CNTN4: variants seen among roughly 807,000 people sequenced by gnomAD.
CNTN4 encodes the protein contactin-4.
A neutral mutation model predicts 122.5 loss-of-function variants in CNTN4; 77 were observed. The observed-to-expected ratio is 0.63, with a 90% CI of 0.52 to 0.76. CNTN4 has a LOEUF of 0.76. Among genes scored for constraint, CNTN4 ranks in the 30% least tolerant of loss-of-function variants. The probability of loss-of-function intolerance (pLI) is 0.00; values close to 1 mark genes in which losing one functional copy is unlikely to be tolerated. For missense variants in CNTN4, 1,256 were observed against 1,259.1 expected (o/e 1.00, Z 0.04); for synonymous variants, 512 against 447.0 (o/e 1.15, Z -1.83).
chr3:2,798,419 C>G (rs1302302124), intron 6 of CNTN4, among the ~76,000 whole-genome samples: 3 of 57,346 alleles, frequency 5.2e-5, no homozygotes, highest in Non-Finnish European at 1.4e-4. Flanking sequence ...CTCCCATTTT[C>G]TTTATCCAAT....
chr3:2,791,640 C>T (rs41521446), intron 6 of CNTN4, among the ~76,000 whole-genome samples: 5 of 152,028 alleles, frequency 3.3e-5, no homozygotes, highest in African/African-American at 1.2e-4. Context: ...TATTACTTTT[C>T]TCAGCTACTG....
intron 6 of CNTN4, among the ~76,000 whole-genome samples, chr3:2,804,087 A>G (rs1229596262): frequency 6.6e-6 from 1 of 151,512 alleles, no homozygotes; most frequent in Non-Finnish European, 1.5e-5. Flanking sequence ...ACACACACAC[A>G]CACACACACA....
At chr3:2,350,088 GGTT>G in intron 3 of CNTN4, among the ~76,000 whole-genome samples, 1 of 152,232 alleles carries the variant, frequency 6.6e-6, no homozygotes, top group Middle Eastern at 3.4e-3. Context: ...AAGTCATCGT[GGTT>G]GTTTTACCTT....
chr3:2,574,861 A>C (rs2079589192), intron 4 of CNTN4, among the ~76,000 whole-genome samples: 1 of 151,820 alleles, frequency 6.6e-6, no homozygotes, highest in African/African-American at 2.4e-5. Flanking sequence ...CAATCTACAA[A>C]CTCCTAATTC....
chr3:2,177,674 G>GTA (rs2036817386), intron 2 of CNTN4, among the ~76,000 whole-genome samples: 1 of 151,634 alleles, frequency 6.6e-6, no homozygotes, highest in African/African-American at 2.4e-5. Context: ...GTGTGTGTGT[G>GTA]TGTGTGTGTG....
chr3:2,423,708 T>C (rs2047699339), intron 3 of CNTN4, among the ~76,000 whole-genome samples: 2 of 152,244 alleles, frequency 1.3e-5, no homozygotes, highest in South Asian at 2.1e-4. Context: ...TTTGTAGTTT[T>C]GTAGCATCAT....
chr3:2,788,058 C>T (rs987446734), intron 6 of CNTN4, among the ~76,000 whole-genome samples: 1 of 151,926 alleles, frequency 6.6e-6, no homozygotes, highest in Non-Finnish European at 1.5e-5. Flanking sequence ...TCAAAGTGCT[C>T]GGATTACCGT....
At chr3:2,674,046 C>G (rs2084691177) in intron 4 of CNTN4, among the ~76,000 whole-genome samples, 1 of 152,128 alleles carries the variant, frequency 6.6e-6, no homozygotes, top group Non-Finnish European at 1.5e-5. Flanking sequence ...CCAGCTGATG[C>G]TCCAGCTGAA....
At chr3:2,351,272 C>T (rs1489183642) in intron 3 of CNTN4, among the ~76,000 whole-genome samples, 4 of 152,012 alleles carry the variant, frequency 2.6e-5, no homozygotes, top group Non-Finnish European at 5.9e-5. Flanking sequence ...AAAATGTACC[C>T]CAGATAACAT....
chr3:2,529,355 G>A (rs2077513859), intron 3 of CNTN4, among the ~76,000 whole-genome samples: 1 of 152,038 alleles, frequency 6.6e-6, no homozygotes, highest in Non-Finnish European at 1.5e-5. Flanking sequence ...TTCATCTGTT[G>A]ATGGATACTT....
intron 7 of CNTN4, among the ~76,000 whole-genome samples, chr3:2,842,594 C>T (rs1013707213): frequency 6.6e-6 from 1 of 152,190 alleles, no homozygotes; most frequent in East Asian, 1.9e-4. Flanking sequence ...ATCTCTACAT[C>T]TTCTCTTTCA....
chr3:2,475,205 T>G (rs928791257), intron 3 of CNTN4, among the ~76,000 whole-genome samples: 6 of 152,164 alleles, frequency 3.9e-5, no homozygotes, highest in African/African-American at 1.2e-4. Flanking sequence ...GGGTGGGAAA[T>G]ATGTCTCAAA....
chr3:2,166,201 T>C (rs1213249199), intron 2 of CNTN4, among the ~76,000 whole-genome samples: 1 of 152,130 alleles, frequency 6.6e-6, no homozygotes, highest in Non-Finnish European at 1.5e-5. Flanking sequence ...TTTAAGGGCT[T>C]CGTTTTCACC....
intron 2 of CNTN4, among the ~76,000 whole-genome samples, chr3:2,280,185 C>T (rs959535521): frequency 1.3e-5 from 2 of 152,066 alleles, no homozygotes; most frequent in East Asian, 3.9e-4. Flanking sequence ...GTCTCAAACT[C>T]GTGGGCTCAA....
At chr3:2,783,862 C>T (rs1268369531) in intron 6 of CNTN4, among the ~76,000 whole-genome samples, 1 of 152,172 alleles carries the variant, frequency 6.6e-6, no homozygotes, top group African/African-American at 2.4e-5. Flanking sequence ...CATGATGAAT[C>T]CGTTCTTTAG....
At chr3:3,019,589 C>A (rs778178058) in intron 14 of CNTN4, among the ~76,000 whole-genome samples, 8 of 151,532 alleles carry the variant, frequency 5.3e-5, no homozygotes, top group Non-Finnish European at 7.4e-5. Flanking sequence ...GCCATGGTAG[C>A]CAGCCAAAAT....
At chr3:2,640,380 T>C (rs571971570) in intron 4 of CNTN4, among the ~76,000 whole-genome samples, 11 of 152,326 alleles carry the variant, frequency 7.2e-5, no homozygotes, top group Admixed American at 3.3e-4. Context: ...ATGGAAGGAA[T>C]AAGGCTTTCT....
At chr3:2,427,712 T>C (rs903901747) in intron 3 of CNTN4, among the ~76,000 whole-genome samples, 1 of 151,990 alleles carries the variant, frequency 6.6e-6, no homozygotes, top group Non-Finnish European at 1.5e-5. Flanking sequence ...TGTCTAAGTC[T>C]CTTTGTAGGT....
At chr3:2,523,103 T>A (rs914749263) in intron 3 of CNTN4, among the ~76,000 whole-genome samples, 3 of 152,116 alleles carry the variant, frequency 2.0e-5, no homozygotes, top group Non-Finnish European at 4.4e-5. Flanking sequence ...GAATAGATGC[T>A]ATCTCCAGAG....
Sources: gnomAD v4.1 joint callset for allele counts (sites outside exome capture counted in the v4.1 genomes callset) on GRCh38, gnomAD v4.1.1 for gene constraint, MANE v1.5 for transcripts, NCBI Gene and HGNC (gene_info 2026-07-23, HGNC 2026-07-21) for gene names.